Variants in ZNF512 observed in about 807,000 individuals in gnomAD.
ZNF512 encodes the protein zinc finger protein 512.
In ZNF512, 25 loss-of-function variants were observed where a neutral mutation model predicts 77.5. That is an observed-to-expected ratio of 0.32 (90% CI 0.23 to 0.45). The LOEUF (loss-of-function observed/expected upper bound fraction) is 0.45, where lower values mean the gene tolerates loss of function less well. Ranked by LOEUF, ZNF512 falls within the 20% of genes least tolerant of loss-of-function variation. The pLI, the probability that ZNF512 is intolerant of heterozygous loss-of-function variation, is 1.00. For synonymous variants in ZNF512, 246 were observed against 239.9 expected (o/e 1.03, Z -0.24); for missense variants, 483 against 692.6 (o/e 0.70, Z 3.40).
intron 4 of ZNF512, 146 bp downstream of exon 4, chr2:27,599,824 C>G: frequency 8.7e-7 from 1 of 1,154,320 alleles, no homozygotes; most frequent in Non-Finnish European, 1.3e-6. Context: ...TCCATCCTGC[C>G]TCATTATACC....
At chr2:27,607,124 C>A (rs947309247) in intron 9 of ZNF512, among the ~76,000 whole-genome samples, 2 of 152,112 alleles carry the variant, frequency 1.3e-5, no homozygotes, top group Non-Finnish European at 2.9e-5. Context: ...ACCTTCACAT[C>A]AATACACTTA....
chr2:27,585,170 G>T (rs1268363177), intron 2 of ZNF512, among the ~76,000 whole-genome samples: 1 of 152,204 alleles, frequency 6.6e-6, no homozygotes, highest in East Asian at 1.9e-4. Context: ...GCCATCAGGT[G>T]AATTTTGGAG....
At chr2:27,587,026 T>C (rs1171594487) in intron 2 of ZNF512, among the ~76,000 whole-genome samples, 1 of 152,218 alleles carries the variant, frequency 6.6e-6, no homozygotes, top group Admixed American at 6.5e-5. Context: ...GCTGTGAACG[T>C]TCATGTACAA....
At chr2:27,598,333 A>G in intron 3 of ZNF512, 79 bp downstream of exon 3, 2 of 1,451,198 alleles carry the variant, frequency 1.4e-6, no homozygotes, top group Admixed American at 1.8e-5. Flanking sequence ...ATACCTCTTA[A>G]AAGTATTAAA....
Position 27,614,546 on chromosome 2 carries a change from AC to A in ZNF512, c.1132-620del, listed in dbSNP as rs1672799278. 3.9e-5 allele frequency among the ~76,000 whole-genome samples: 6 copies of A among 152,232 alleles called. No individual in the cohort carries two copies. In the South Asian group the frequency reaches 1.2e-3, roughly 32 times the overall value. On this transcript the variant is annotated intron_variant, in intron 10 of 13. Transcript: ENST00000355467. The stretch of plus-strand genomic sequence containing the variant: ...AAATATTAAAATGATTCAAAATCCT[AC>A]CAGAGATGTAGTCCCAGCTACTCAG...
intron 2 of ZNF512, among the ~76,000 whole-genome samples, chr2:27,596,327 CCA>C (rs1266255983): frequency 6.6e-6 from 1 of 152,156 alleles, no homozygotes; most frequent in Non-Finnish European, 1.5e-5. Context: ...TGGGTATATG[CCA>C]CACATTCATG....
At chr2:27,609,018 A>G (rs1672488192) in intron 10 of ZNF512, among the ~76,000 whole-genome samples, 1 of 151,554 alleles carries the variant, frequency 6.6e-6, no homozygotes, top group Non-Finnish European at 1.5e-5. Flanking sequence ...CTGAGGCAGG[A>G]GAATCGCTTG....
chr2:27,583,098 C>G lies in ZNF512; in HGVS notation c.-15C>G. The stretch of plus-strand genomic sequence containing the variant: ...GGAGCCCTTGGGTGAAATTGTTAGG[C>G]GTGGAGAGGGAGTGATGTCTTCCAG... On this transcript the variant is annotated 5_prime_UTR_variant, in exon 1 of 14. Transcript: ENST00000355467. 1 of 1,613,792 alleles carries G rather than the reference C, an allele frequency of 6.2e-7. No homozygotes were observed. Among genetic ancestry groups the G allele is most frequent in the East Asian group, 2.2e-5 (1 of 44,858 alleles).
At position 27,585,264 on chromosome 2, in the gene ZNF512, G is replaced by T. The variant is rs536535946; in HGVS notation, c.89+1548G>T. 2.0e-5 allele frequency among the ~76,000 whole-genome samples: 3 copies of T among 152,298 alleles called. No individual in the cohort carries two copies. The East Asian group carries it at 5.8e-4, about 29-fold the overall frequency. ...GGTTTGGACCTCAGATGAAGAGCTG[G>T]TCTGAAATACAGAATTGGGAATTAT... On this transcript the variant is annotated intron_variant, in intron 2 of 13. Coordinates refer to ENST00000355467, the MANE Select transcript of ZNF512 (RefSeq NM_032434.4).
chr2:27,599,127 C>T (rs899528867), intron 3 of ZNF512, among the ~76,000 whole-genome samples: 1 of 152,216 alleles, frequency 6.6e-6, no homozygotes, highest in Non-Finnish European at 1.5e-5. Context: ...GCTGGGATTA[C>T]AGATGTGAGT....
intron 2 of ZNF512, 24 bp from the exon 3 acceptor site, chr2:27,598,043 G>GTA (rs374438168): frequency 1.1e-5 from 16 of 1,499,650 alleles, no homozygotes; most frequent in African/African-American, 8.2e-5. Context: ...TTCCTTTGTG[G>GTA]TATATATTTT....
chr2:27,583,172 T>C, intron 1 of ZNF512, 30 bp downstream of exon 1: 1 of 1,614,178 alleles, frequency 6.2e-7, no homozygotes, highest in Middle Eastern at 1.6e-4. Flanking sequence ...CGTTATGCTT[T>C]AGAGGTAGCG....
intron 7 of ZNF512, 27 bp from the exon 8 acceptor site, chr2:27,602,433 ATCT>A (rs1197914472): frequency 1.9e-6 from 3 of 1,597,628 alleles, no homozygotes; most frequent in East Asian, 2.2e-5. Context: ...TCCATGAATC[ATCT>A]TCTTGTTTAC....
intron 2 of ZNF512, among the ~76,000 whole-genome samples, chr2:27,585,461 G>C (rs1490087620): frequency 6.6e-6 from 1 of 152,122 alleles, no homozygotes; most frequent in African/African-American, 2.4e-5. Context: ...ACCAGATTTG[G>C]AATCATTGGG....
intron 9 of ZNF512, among the ~76,000 whole-genome samples, chr2:27,603,980 G>A (rs1046272957): frequency 2.0e-5 from 3 of 151,996 alleles, no homozygotes; most frequent in Admixed American, 2.0e-4. Flanking sequence ...AGGCTGGAGT[G>A]CTGTAGAGCA....
At chr2:27,591,215 T>A (rs1200212022) in intron 2 of ZNF512, among the ~76,000 whole-genome samples, 4 of 151,984 alleles carry the variant, frequency 2.6e-5, no homozygotes, top group Non-Finnish European at 5.9e-5. Flanking sequence ...TGCTTTAAAA[T>A]TTTTTTATTT....
chr2:27,593,196 A>G (rs1335637673), intron 2 of ZNF512, among the ~76,000 whole-genome samples: 1 of 7,384 alleles, frequency 1.4e-4, no homozygotes, highest in African/African-American at 6.6e-4. Context: ...CCCTGTCTCT[A>G]CACACACACA....
intron 13 of ZNF512, 47 bp downstream of exon 13, chr2:27,617,618 A>G (rs747768316): frequency 1.3e-6 from 1 of 797,616 alleles, no homozygotes; most frequent in Non-Finnish European, 2.3e-6. Context: ...GCCACAAGAG[A>G]GGTAGACTTT....
chr2:27,611,695 G>A (rs890299791), intron 10 of ZNF512, among the ~76,000 whole-genome samples: 3 of 150,262 alleles, frequency 2.0e-5, no homozygotes, highest in African/African-American at 7.3e-5. Context: ...TTTGCCAGTA[G>A]CATTTTTTTT....
Sources: allele counts gnomAD v4.1 joint callset (sites outside exome capture counted in the v4.1 genomes callset), GRCh38; gene constraint gnomAD v4.1.1; transcripts MANE v1.5; gene names NCBI Gene and HGNC (gene_info 2026-07-23, HGNC 2026-07-21).